Variants in STK32B observed in about 807,000 individuals in gnomAD.
STK32B encodes the protein serine/threonine-protein kinase 32B.
Under a neutral mutation model 52.6 loss-of-function variants are expected in STK32B, and 43 were observed. That is an observed-to-expected ratio of 0.82 (90% CI 0.64 to 1.05). The LOEUF (loss-of-function observed/expected upper bound fraction) is 1.05. Among genes scored for constraint, STK32B ranks in the 50% least tolerant of loss-of-function variants. The probability of loss-of-function intolerance (pLI) is 0.00; values close to 1 mark genes in which losing one functional copy is unlikely to be tolerated. For missense variants in STK32B, 621 were observed against 534.6 expected, an observed-to-expected ratio of 1.16 and a Z score of -1.59; for synonymous variants, 238 against 204.3, an observed-to-expected ratio of 1.17 and a Z score of -1.41.
At chr4:5,385,820 G>A (rs1239711032) in intron 4 of STK32B, among the ~76,000 whole-genome samples, 2 of 150,778 alleles carry the variant, frequency 1.3e-5, no homozygotes, top group South Asian at 2.1e-4. Flanking sequence ...CCACAGCCTC[G>A]CCCACAGTCC....
At chr4:5,375,450 A>T (rs1457605237) in intron 4 of STK32B, among the ~76,000 whole-genome samples, 2 of 151,910 alleles carry the variant, frequency 1.3e-5, no homozygotes, top group East Asian at 3.9e-4. Context: ...CATCTCTGGG[A>T]CTTTTTACCC....
intron 1 of STK32B, among the ~76,000 whole-genome samples, chr4:5,074,771 A>C (rs1207554049): frequency 6.6e-6 from 1 of 151,980 alleles, no homozygotes; most frequent in Non-Finnish European, 1.5e-5. Context: ...TCCTCTGAGG[A>C]GTGTTGAGTT....
At chr4:5,052,412 G>A (rs997341043) in intron 1 of STK32B, among the ~76,000 whole-genome samples, 7 of 152,116 alleles carry the variant, frequency 4.6e-5, no homozygotes, top group African/African-American at 1.7e-4. Context: ...CCAGGACAGA[G>A]GGAAACTTTT....
chr4:5,462,768 C>T (rs990354936), intron 9 of STK32B, among the ~76,000 whole-genome samples: 2 of 152,192 alleles, frequency 1.3e-5, no homozygotes, highest in Non-Finnish European at 2.9e-5. Flanking sequence ...GGACTGTACT[C>T]ATGAGATGCC....
At chr4:5,322,618 T>C (rs1049915819) in intron 3 of STK32B, among the ~76,000 whole-genome samples, 1 of 152,198 alleles carries the variant, frequency 6.6e-6, no homozygotes, top group African/African-American at 2.4e-5. Flanking sequence ...CTGTTTCAAA[T>C]AGTTCAAGTG....
intron 3 of STK32B, among the ~76,000 whole-genome samples, chr4:5,180,982 T>G (rs1268458883): frequency 6.6e-6 from 1 of 152,102 alleles, no homozygotes; most frequent in Non-Finnish European, 1.5e-5. Context: ...AAAGAAAAGC[T>G]GCACCCCAGA....
At chr4:5,372,743 G>A (rs1172260890) in intron 4 of STK32B, among the ~76,000 whole-genome samples, 1 of 150,168 alleles carries the variant, frequency 6.7e-6, no homozygotes, top group African/African-American at 2.5e-5. Flanking sequence ...GGTTATTTCA[G>A]ACTAATAGGT....
chr4:5,070,063 G>T (rs552862531), intron 1 of STK32B, among the ~76,000 whole-genome samples: 1 of 152,202 alleles, frequency 6.6e-6, no homozygotes, highest in Non-Finnish European at 1.5e-5. Context: ...TGTTTATTCA[G>T]CCAGAAGAAG....
chr4:5,255,523 C>G (rs528018295), intron 3 of STK32B, among the ~76,000 whole-genome samples: 1 of 151,964 alleles, frequency 6.6e-6, no homozygotes, highest in Non-Finnish European at 1.5e-5. Context: ...TCGGTGACAA[C>G]CACCCAAATC....
chr4:5,304,278 G>A (rs768643798), intron 3 of STK32B, among the ~76,000 whole-genome samples: 8 of 151,974 alleles, frequency 5.3e-5, no homozygotes, highest in Non-Finnish European at 8.8e-5. Flanking sequence ...CAGTGTGATC[G>A]TTTTCACAAT....
At chr4:5,093,395 C>T (rs1266820266) in intron 1 of STK32B, among the ~76,000 whole-genome samples, 2 of 152,132 alleles carry the variant, frequency 1.3e-5, no homozygotes, top group African/African-American at 4.8e-5. Flanking sequence ...ATTTCATAGC[C>T]ACCTCCTGTT....
intron 6 of STK32B, among the ~76,000 whole-genome samples, chr4:5,417,566 C>T (rs183239632): frequency 2.6e-5 from 4 of 152,028 alleles, no homozygotes; most frequent in African/African-American, 7.2e-5. Context: ...TGTGTGTTTT[C>T]TACTGAAGTC....
intron 4 of STK32B, among the ~76,000 whole-genome samples, chr4:5,341,927 T>C (rs1364365247): frequency 6.6e-6 from 1 of 152,164 alleles, no homozygotes; most frequent in Non-Finnish European, 1.5e-5. Context: ...ACATGTGCCA[T>C]GTTGGTGTGC....
intron 3 of STK32B, among the ~76,000 whole-genome samples, chr4:5,261,442 A>C (rs1287920207): frequency 2.0e-5 from 3 of 152,118 alleles, no homozygotes; most frequent in Non-Finnish European, 2.9e-5. Flanking sequence ...GGCAATGGGG[A>C]TATAGAGGAT....
chr4:5,287,785 A>G (rs1370161900), intron 3 of STK32B, among the ~76,000 whole-genome samples: 2 of 152,186 alleles, frequency 1.3e-5, no homozygotes, highest in South Asian at 2.1e-4. Flanking sequence ...TTCACATGCC[A>G]TAAAATTCAT....
At chr4:5,155,513 A>G (rs1250004134) in intron 2 of STK32B, among the ~76,000 whole-genome samples, 1 of 152,120 alleles carries the variant, frequency 6.6e-6, no homozygotes, top group Admixed American at 6.6e-5. Context: ...ATGTATATGC[A>G]TATACATTAG....
chr4:5,117,547 G>A (rs900496286), intron 1 of STK32B, among the ~76,000 whole-genome samples: 3 of 152,006 alleles, frequency 2.0e-5, no homozygotes, highest in East Asian at 1.9e-4. Context: ...TTGGCTTTTC[G>A]TATTTCTTCC....
At chr4:5,468,131 TG>T in intron 11 of STK32B, 61 bp downstream of exon 11, 2 of 1,569,572 alleles carry the variant, frequency 1.3e-6, no homozygotes, top group Non-Finnish European at 1.8e-6. Context: ...AAGGTCCTCC[TG>T]GCAGAATCAC....
Position 5,191,992 on chromosome 4 carries a change from G to A in STK32B, c.260+23542G>A, listed in dbSNP as rs549655996. On this transcript the variant is annotated intron_variant, in intron 3 of 11. Transcript: ENST00000282908. ...CACCTTCCCTGTCCAACCAGAGGCT[G>A]CACAGTGCCTCAGGGCATCAGGACT... Among the ~76,000 whole-genome samples the A allele has an allele frequency of 2.4e-3, 358 of 152,312 alleles. 1 individual carries two copies. The highest frequency in any genetic ancestry group is 8.3e-3 in the African/African-American group (343 of 41,564).
Sources: gnomAD v4.1 joint callset for allele counts (sites outside exome capture counted in the v4.1 genomes callset) on GRCh38, gnomAD v4.1.1 for gene constraint, MANE v1.5 for transcripts, NCBI Gene and HGNC (gene_info 2026-07-23, HGNC 2026-07-21) for gene names.